Variants in SP3 observed in about 807,000 individuals in gnomAD.
The protein encoded by SP3 is Sp3 transcription factor.
In SP3, 10 loss-of-function variants were observed where a neutral mutation model predicts 70.3. That is an observed-to-expected ratio of 0.14 (90% CI 0.09 to 0.24). The LOEUF is 0.24. Ranked by LOEUF, SP3 falls within the 10% of genes least tolerant of loss-of-function variation. The pLI is 1.00. For missense variants in SP3, 825 were observed against 914.6 expected (o/e 0.90, Z 1.26); for synonymous variants, 402 against 333.5 (o/e 1.21, Z -2.24).
Position 173,909,848 on chromosome 2 carries a change from C to A in SP3, c.*93G>T. ...GTTACTGTCAATCCAAAAATTTTTG[C>A]ACATCAATAAAAAGATATCTAAGAA... On this transcript the variant is annotated 3_prime_UTR_variant, in exon 7 of 7. Coordinates refer to ENST00000310015, the MANE Select transcript of SP3 (RefSeq NM_003111.5). 1 of 1,281,576 alleles carries A rather than the reference C, an allele frequency of 7.8e-7. No homozygotes were observed. The highest frequency in any genetic ancestry group is 1.1e-6 in the Non-Finnish European group (1 of 934,016). The allele number at this position is 1,281,576 out of a possible 1,614,324, so 79.4% of individuals were successfully genotyped here. A position where few individuals can be genotyped will look rare whatever the true frequency, so the allele number is the denominator to read the frequency against.
intron 4 of SP3, among the ~76,000 whole-genome samples, chr2:173,920,596 A>AATTT (rs60175008): frequency 0.048 from 7,282 of 151,462 alleles, 583 homozygotes; most frequent in African/African-American, 0.16. Context: ...GCTCTTTAAA[A>AATTT]ATTTATTTAT....
rs369713022 is a variant in SP3 at position 173,901,983 on chromosome 2, C to T, written c.*7958G>A. ...GACCACAGGCATGAGCCACTGCCCC[C>T]GGCCAAGCCTTCTTTTCAATATTCA... On this transcript the variant is annotated 3_prime_UTR_variant, in exon 7 of 7. Transcript: ENST00000310015. 2.6e-5 allele frequency among the ~76,000 whole-genome samples: 4 copies of T among 152,282 alleles called. No individual in the cohort carries two copies. Among genetic ancestry groups the T allele is most frequent in the East Asian group, 3.9e-4 (2 of 5,176 alleles).
intron 4 of SP3, among the ~76,000 whole-genome samples, chr2:173,943,004 C>T (rs1393759219): frequency 1.3e-5 from 2 of 152,030 alleles, no homozygotes; most frequent in East Asian, 3.9e-4. Flanking sequence ...TATGCAAATA[C>T]TACAAGAGAC....
intron 4 of SP3, among the ~76,000 whole-genome samples, chr2:173,931,358 T>TG (rs1158338238): frequency 3.3e-5 from 5 of 152,058 alleles, no homozygotes; most frequent in African/African-American, 1.2e-4. Flanking sequence ...TTGTTGTTGT[T>TG]TTTGAGATGG....
intron 4 of SP3, among the ~76,000 whole-genome samples, chr2:173,934,191 A>T (rs1435593281): frequency 6.6e-6 from 1 of 152,054 alleles, no homozygotes; most frequent in Non-Finnish European, 1.5e-5. Flanking sequence ...AGTGAGCTAT[A>T]ATCATACCCC....
rs1689354036 is a variant in SP3 at position 173,907,217 on chromosome 2, C to A, written c.*2724G>T. The A allele has an allele frequency of 2.0e-5, 3 of 152,040 alleles. No homozygotes were observed. Among genetic ancestry groups the A allele is most frequent in the African/African-American group, 7.2e-5 (3 of 41,410 alleles). The allele number at this position is 152,040 out of a possible 1,614,324, so 9.4% of individuals were successfully genotyped here. A position where few individuals can be genotyped will look rare whatever the true frequency, so the allele number is the denominator to read the frequency against. ...AATGTTACAACAGGAATTATTTGTA[C>A]ATAAATATATTCAATATGCACTAAC... On this transcript the variant is annotated 3_prime_UTR_variant, in exon 7 of 7. Transcript: ENST00000310015.
intron 4 of SP3, among the ~76,000 whole-genome samples, chr2:173,928,920 C>T (rs979928055): frequency 2.6e-5 from 4 of 152,198 alleles, no homozygotes; most frequent in Non-Finnish European, 5.9e-5. Context: ...TATAATCTAA[C>T]ACATTAATCA....
chr2:173,954,739 C>T (rs1690822546), intron 4 of SP3, 134 bp downstream of exon 4: 1 of 829,682 alleles, frequency 1.2e-6, no homozygotes, highest in Admixed American at 2.7e-5. Context: ...TACTTTCATA[C>T]AAACATATTT....
At chr2:173,946,906 G>A (rs770797481) in intron 4 of SP3, among the ~76,000 whole-genome samples, 6 of 150,802 alleles carry the variant, frequency 4.0e-5, no homozygotes, top group African/African-American at 4.9e-5. Context: ...TAAGGTAGAC[G>A]GAGGGTCTTA....
In SP3 at chr2:173,910,790, T is replaced by A. The variant is rs1467160042; in HGVS notation, c.2030-533A>T. On this transcript the variant is annotated intron_variant, in intron 6 of 6. Coordinates refer to ENST00000310015, the MANE Select transcript of SP3 (RefSeq NM_003111.5). Reference sequence around the variant, plus strand: ...CCTTAGAAAAATGAATCTGGCTAGCTGACTTGACTTCAGCTACAACAATCA... The same window carrying A: ...CCTTAGAAAAATGAATCTGGCTAGCAGACTTGACTTCAGCTACAACAATCA... Among the ~76,000 whole-genome samples, 4 of 152,330 alleles carry A rather than the reference T, an allele frequency of 2.6e-5. No homozygotes were observed. The East Asian group carries it at 7.7e-4, about 29-fold the overall frequency.
intron 5 of SP3, among the ~76,000 whole-genome samples, chr2:173,918,265 C>G (rs969589487): frequency 6.6e-6 from 1 of 152,072 alleles, no homozygotes; most frequent in Non-Finnish European, 1.5e-5. Flanking sequence ...CTATTCTCAA[C>G]CTAAAAAATC....
intron 4 of SP3, among the ~76,000 whole-genome samples, chr2:173,927,992 T>C (rs1190026076): frequency 6.6e-6 from 1 of 152,164 alleles, no homozygotes; most frequent in Non-Finnish European, 1.5e-5. Context: ...ATAATTATAG[T>C]TTTTTATTTC....
chr2:173,940,529 T>A (rs1049397423), intron 4 of SP3, among the ~76,000 whole-genome samples: 1 of 152,144 alleles, frequency 6.6e-6, no homozygotes, highest in Non-Finnish European at 1.5e-5. Context: ...AGAGCCAAAC[T>A]AACAAACTGA....
At chr2:173,964,915 G>T in intron 1 of SP3, 2 of 521,574 alleles carry the variant, frequency 3.8e-6, no homozygotes, top group South Asian at 2.6e-5. Context: ...CACACAGGGG[G>T]ATGCGCTCCC....
In SP3 at chr2:173,955,742, G is replaced by C. The variant is rs1373490383; in HGVS notation, c.770C>G (p.Pro257Arg). 2 of 1,614,172 alleles carry C rather than the reference G, an allele frequency of 1.2e-6. No individual in the cohort carries two copies. Among genetic ancestry groups the C allele is most frequent in the Admixed American group, 3.3e-5 (2 of 60,026 alleles). The change falls in exon 4 of 7, where the codon CCT (proline) becomes CGT (arginine). Residue 257 changes from proline to arginine, a missense_variant. By Grantham distance (103) the Pro-to-Arg change is moderately radical. Coordinates refer to ENST00000310015, the MANE Select transcript of SP3 (RefSeq NM_003111.5). The part of the protein sequence containing the change: ...PGQTQVVANV[P>R]LGLPGNITFV... Reference sequence around the variant, plus strand: ...CGTAATATTTCCTGGCAGACCAAGAGGCACATTAGCAACTACTTGGGTTTG... The same window carrying C: ...CGTAATATTTCCTGGCAGACCAAGACGCACATTAGCAACTACTTGGGTTTG...
chr2:173,964,725 TGCTGCCCCCGCCCGCC>T (rs1691231377), intron 1 of SP3, 172 bp from the exon 2 acceptor site: 1 of 349,980 alleles, frequency 2.9e-6, no homozygotes, highest in South Asian at 4.7e-5. Context: ...CCCCTCCTGC[TGCTGCCCCCGCCCGCC>T]GCTGCCTGTA....
In SP3 at chr2:173,907,447, CTT is replaced by C. The variant is rs1048113602; in HGVS notation, c.*2492_*2493del. The C allele has an allele frequency of 2.0e-5, 3 of 152,118 alleles. No homozygotes were observed. Among genetic ancestry groups the C allele is most frequent in the African/African-American group, 7.2e-5 (3 of 41,522 alleles). The allele number at this position is 152,118 out of a possible 1,614,324, so 9.4% of individuals were successfully genotyped here. A position where few individuals can be genotyped will look rare whatever the true frequency, so the allele number is the denominator to read the frequency against. ...AATTATCTACACTGAGGTTACATAA[CTT>C]TGGTAAAAGTTCCAAAGTTCACTAA... On this transcript the variant is annotated 3_prime_UTR_variant, in exon 7 of 7. Coordinates refer to ENST00000310015, the MANE Select transcript of SP3 (RefSeq NM_003111.5).
Position 173,901,589 on chromosome 2 carries a change from G to A in SP3, c.*8352C>T, listed in dbSNP as rs2105444967. ...AGAATATAGAAAAATTAGAATTAAA[G>A]TCATGAGTTATCATTTCACATCCAT... On this transcript the variant is annotated 3_prime_UTR_variant, in exon 7 of 7. Transcript: ENST00000310015. Among the ~76,000 whole-genome samples the A allele has an allele frequency of 6.6e-6, 1 of 150,802 alleles. No homozygotes were observed. The highest frequency in any genetic ancestry group is 1.5e-5 in the Non-Finnish European group (1 of 67,776).
At chr2:173,961,958 T>TTTG in intron 3 of SP3, among the ~76,000 whole-genome samples, 2 of 150,756 alleles carry the variant, frequency 1.3e-5, no homozygotes, top group Non-Finnish European at 3.0e-5. Flanking sequence ...TTTTTTTTTT[T>TTTG]TTAGGCAAAA....
Sources: allele counts gnomAD v4.1 joint callset (sites outside exome capture counted in the v4.1 genomes callset), GRCh38; gene constraint gnomAD v4.1.1; transcripts MANE v1.5; gene names NCBI Gene and HGNC (gene_info 2026-07-23, HGNC 2026-07-21).